Variants in AQP9 observed in about 807,000 individuals in gnomAD.
AQP9 encodes the protein aquaporin-9.
In AQP9, 19 loss-of-function variants were observed where a neutral mutation model predicts 23.8. The ratio of observed to expected loss-of-function variants is 0.80; its 90% confidence interval spans 0.56 to 1.17. AQP9 has a LOEUF of 1.17. Ranked by LOEUF, AQP9 falls within the 50% of genes most tolerant of loss-of-function variation. The probability of loss-of-function intolerance (pLI) is 0.00; values close to 1 mark genes in which losing one functional copy is unlikely to be tolerated. For synonymous variants in AQP9, 153 were observed against 131.5 expected, an observed-to-expected ratio of 1.16 and a Z score of -1.12; for missense variants, 413 against 362.0, an observed-to-expected ratio of 1.14 and a Z score of -1.14.
chr15:58,162,969 G>A (rs192468177), intron 1 of AQP9, among the ~76,000 whole-genome samples: 1 of 152,266 alleles, frequency 6.6e-6, no homozygotes, highest in Non-Finnish European at 1.5e-5. Context: ...CTTCAGTGCT[G>A]GATAACTGAA....
chr15:58,166,937 A>G lies in AQP9; in HGVS notation c.238+138A>G, dbSNP rs966765644. The G allele has an allele frequency of 2.1e-5, 25 of 1,175,760 alleles. No individual in the cohort carries two copies. In the African/African-American group the frequency reaches 2.5e-4, roughly 12 times the overall value. The allele number at this position is 1,175,760 out of a possible 1,614,324, so 72.8% of individuals were successfully genotyped here. On this transcript the variant is annotated intron_variant, in intron 2 of 5. Transcript: ENST00000219919. ...AGTGTGTATTGGATCCCATTTTTAT[A>G]GATAAAATTAAAATCACCAACCAAT...
intron 1 of AQP9, among the ~76,000 whole-genome samples, chr15:58,139,929 A>G (rs748514625): frequency 6.6e-5 from 10 of 152,242 alleles, no homozygotes; most frequent in Non-Finnish European, 8.8e-5. Context: ...TTATGTAAGT[A>G]GTTATTTCTA....
At position 58,138,677 on chromosome 15, in the gene AQP9, G is replaced by T. The variant is rs774102137; in HGVS notation, c.111+1G>T. The T allele has an allele frequency of 1.2e-5, 20 of 1,613,026 alleles. No individual in the cohort carries two copies. Among genetic ancestry groups the T allele is most frequent in the Admixed American group, 1.7e-5 (1 of 59,970 alleles). The stretch of plus-strand genomic sequence containing the variant: ...GTTCTTGGGCACGTTCATCTTGATT[G>T]TAAGTATTTCCTGATTTCCTACATT... On this transcript the variant is annotated splice_donor_variant, in intron 1 of 5. Transcript: ENST00000219919. LOFTEE classifies it high-confidence loss of function.
At position 58,174,772 on chromosome 15, in the gene AQP9, A is replaced by G. The variant is rs1898701524; in HGVS notation, c.377-146A>G. Reference sequence around the variant, plus strand: ...GATTCACCTGGGCATCTCTAAAACTATCATTCCTCGGAAGTAGAGAGAGAC... The same window carrying G: ...GATTCACCTGGGCATCTCTAAAACTGTCATTCCTCGGAAGTAGAGAGAGAC... On this transcript the variant is annotated intron_variant, in intron 3 of 5. Coordinates refer to ENST00000219919, the MANE Select transcript of AQP9 (RefSeq NM_020980.5). 8.8e-6 allele frequency: 6 copies of G among 678,196 alleles called. No homozygotes were observed. In the South Asian group the frequency reaches 1.1e-4, roughly 12 times the overall value. The allele number at this position is 678,196 out of a possible 1,614,324, so 42.0% of individuals were successfully genotyped here.
chr15:58,172,112 C>A (rs1270731995), intron 2 of AQP9, among the ~76,000 whole-genome samples: 1 of 152,168 alleles, frequency 6.6e-6, no homozygotes, highest in Admixed American at 6.5e-5. Context: ...AGTGGTATAG[C>A]AGAAAACACA....
chr15:58,167,825 C>T (rs771418076), intron 2 of AQP9, among the ~76,000 whole-genome samples: 17 of 152,034 alleles, frequency 1.1e-4, no homozygotes, highest in South Asian at 2.1e-4. Flanking sequence ...TGGGTTCAAG[C>T]GATTCTCCCG....
chr15:58,141,632 T>C (rs1156922623), intron 1 of AQP9, among the ~76,000 whole-genome samples: 12 of 152,140 alleles, frequency 7.9e-5, no homozygotes, highest in African/African-American at 2.7e-4. Context: ...GTTGATTGTA[T>C]GTGAGAAATT....
At chr15:58,179,058 G>C in intron 4 of AQP9, 70 bp from the exon 5 acceptor site, 1 of 1,075,162 alleles carries the variant, frequency 9.3e-7, no homozygotes, top group East Asian at 2.4e-5. Context: ...ATAGTAAGAA[G>C]GGATGATTTT....
intron 1 of AQP9, among the ~76,000 whole-genome samples, chr15:58,158,827 G>A (rs917753913): frequency 5.3e-5 from 8 of 152,068 alleles, no homozygotes; most frequent in Non-Finnish European, 7.4e-5. Flanking sequence ...GACCTCTTGC[G>A]GTAATTCTAA....
Position 58,157,627 on chromosome 15 carries a change from G to C in AQP9, c.112-9046G>C, listed in dbSNP as rs543922125. On this transcript the variant is annotated intron_variant, in intron 1 of 5. Transcript: ENST00000219919. ...AGGCATGTTTAATCAGCGTTAGCGG[G>C]GAGTGTGCATTGATAACCACAAAAT... 4.0e-4 allele frequency among the ~76,000 whole-genome samples: 61 copies of C among 152,212 alleles called. 1 individual carries two copies. Among genetic ancestry groups the C allele is most frequent in the Admixed American group, 2.5e-3 (38 of 15,282 alleles).
chr15:58,164,453 G>A lies in AQP9; in HGVS notation c.112-2220G>A, dbSNP rs144145238. On this transcript the variant is annotated intron_variant, in intron 1 of 5. Coordinates refer to ENST00000219919, the MANE Select transcript of AQP9 (RefSeq NM_020980.5). ...AGTTCACCTGGAAGTTGTGCCCAGAGCATTTAATTGGATTTACATTAAAAT... is the reference window on the plus strand; with the variant it reads ...AGTTCACCTGGAAGTTGTGCCCAGAACATTTAATTGGATTTACATTAAAAT... Among the ~76,000 whole-genome samples the A allele has an allele frequency of 7.9e-4, 121 of 152,262 alleles. 1 individual carries two copies. The East Asian group carries it at 0.016, about 20-fold the overall frequency.
At chr15:58,181,938 T>C (rs1284629320) in intron 5 of AQP9, among the ~76,000 whole-genome samples, 1 of 152,116 alleles carries the variant, frequency 6.6e-6, no homozygotes, top group African/African-American at 2.4e-5. Flanking sequence ...CAGAGTTCTA[T>C]ATTCAAGGGA....
rs556337530 is a variant in AQP9 at position 58,177,986 on chromosome 15, A to ATT, written c.496-1140_496-1139dup. Among the ~76,000 whole-genome samples, 107 of 152,304 alleles carry ATT rather than the reference A, an allele frequency of 7.0e-4. 2 individuals carry two copies. Among genetic ancestry groups the ATT allele is most frequent in the African/African-American group, 2.6e-3 (107 of 41,558 alleles). Reference sequence around the variant, plus strand: ...TGGATCAAAAATATTTTTAAATTGCATTTGTATTGGACATGTACAGACTTT... The same window carrying ATT: ...TGGATCAAAAATATTTTTAAATTGCATTTTTGTATTGGACATGTACAGACTTT... On this transcript the variant is annotated intron_variant, in intron 4 of 5. Coordinates refer to ENST00000219919, the MANE Select transcript of AQP9 (RefSeq NM_020980.5).
At chr15:58,176,638 CTG>C (rs1595745469) in intron 4 of AQP9, among the ~76,000 whole-genome samples, 1 of 137,534 alleles carries the variant, frequency 7.3e-6, no homozygotes, top group East Asian at 2.2e-4. Context: ...TTTTTTAAGA[CTG>C]AGCCTGTTGC....
intron 4 of AQP9, among the ~76,000 whole-genome samples, chr15:58,177,424 GC>G (rs369967864): frequency 1.4e-4 from 22 of 152,310 alleles, no homozygotes; most frequent in African/African-American, 5.3e-4. Flanking sequence ...AGAGGAGGGA[GC>G]TTTTACTCTG....
At chr15:58,177,928 C>T (rs547743564) in intron 4 of AQP9, among the ~76,000 whole-genome samples, 10 of 152,210 alleles carry the variant, frequency 6.6e-5, no homozygotes, top group Admixed American at 2.0e-4. Context: ...CCTACATATC[C>T]ATGAATTCTG....
At position 58,138,531 on chromosome 15, in the gene AQP9, T is replaced by C; in HGVS notation, c.-35T>C. ...AAGTGAGGACCACAACAGGTAGGTA[T>C]TGGTAGAAACAGGAGTCCTCAGAGA... is the stretch of plus-strand genomic sequence containing the variant. On this transcript the variant is annotated 5_prime_UTR_variant, in exon 1 of 6. Transcript: ENST00000219919. 1 of 1,560,032 alleles carries C rather than the reference T, an allele frequency of 6.4e-7. No individual in the cohort carries two copies. The highest frequency in any genetic ancestry group is 1.1e-5 in the South Asian group (1 of 89,298).
chr15:58,140,767 G>GT (rs1174887500), intron 1 of AQP9, among the ~76,000 whole-genome samples: 7 of 151,790 alleles, frequency 4.6e-5, no homozygotes, highest in Non-Finnish European at 1.0e-4. Flanking sequence ...ATGTGAGATT[G>GT]TTTTTTTTCC....
At chr15:58,161,830 C>G (rs1289655144) in intron 1 of AQP9, among the ~76,000 whole-genome samples, 2 of 152,122 alleles carry the variant, frequency 1.3e-5, no homozygotes, top group Non-Finnish European at 2.9e-5. Context: ...TCAAATCTGG[C>G]ACATATCATT....
Sources: allele counts gnomAD v4.1 joint callset (sites outside exome capture counted in the v4.1 genomes callset), GRCh38; gene constraint gnomAD v4.1.1; transcripts MANE v1.5; gene names NCBI Gene and HGNC (gene_info 2026-07-23, HGNC 2026-07-21).